LSAMP: variants seen among roughly 807,000 people sequenced by gnomAD.
LSAMP encodes the protein limbic system associated membrane protein.
LSAMP carries 7 observed loss-of-function variants against 38.6 expected under a neutral mutation model. The ratio of observed to expected loss-of-function variants is 0.18; its 90% CI spans 0.10 to 0.34. The LOEUF (loss-of-function observed/expected upper bound fraction) is 0.34, where lower values mean the gene tolerates loss of function less well. LSAMP is among the 10% of genes least tolerant of loss of function. The pLI, the probability that LSAMP is intolerant of heterozygous loss-of-function variation, is 1.00. For synonymous variants in LSAMP, 154 were observed against 166.8 expected (o/e 0.92, Z 0.59); for missense variants, 313 against 420.0 (o/e 0.75, Z 2.23).
chr3:116,422,951 G>A (rs1229804219), intron 1 of LSAMP, among the ~76,000 whole-genome samples: 1 of 151,948 alleles, frequency 6.6e-6, no homozygotes, highest in Non-Finnish European at 1.5e-5. Context: ...TTTATGTATT[G>A]ACATACTTGT....
chr3:116,162,881 GC>G (rs1709932783), intron 1 of LSAMP, among the ~76,000 whole-genome samples: 1 of 151,646 alleles, frequency 6.6e-6, no homozygotes, highest in East Asian at 1.9e-4. Flanking sequence ...GAAATTGTAG[GC>G]TTTGTTCTCC....
chr3:116,075,038 A>G (rs1707706133), intron 2 of LSAMP, among the ~76,000 whole-genome samples: 1 of 151,404 alleles, frequency 6.6e-6, no homozygotes, highest in African/African-American at 2.4e-5. Flanking sequence ...GGGTTTCTCC[A>G]TGTTGGTCAA....
At chr3:116,365,659 T>G (rs541558264) in intron 1 of LSAMP, among the ~76,000 whole-genome samples, 34 of 48,132 alleles carry the variant, frequency 7.1e-4, no homozygotes, top group South Asian at 9.6e-4. Flanking sequence ...GTGGCACATA[T>G]ACACCATGGA....
At chr3:116,227,855 CAT>C (rs1172062162) in intron 1 of LSAMP, among the ~76,000 whole-genome samples, 1 of 152,072 alleles carries the variant, frequency 6.6e-6, no homozygotes, top group African/African-American at 2.4e-5. Flanking sequence ...TGATTTTAAA[CAT>C]AGAAATTCAG....
chr3:116,416,217 C>T (rs2049047962), intron 1 of LSAMP, among the ~76,000 whole-genome samples: 2 of 152,134 alleles, frequency 1.3e-5, no homozygotes, highest in Non-Finnish European at 2.9e-5. Context: ...GCCAGCTAAG[C>T]CATACTTAAT....
Position 116,234,711 on chromosome 3 carries a change from TATTTA to T in LSAMP, c.156-148160_156-148156del, listed in dbSNP as rs774164043. ...ATGCATCTTTTCTTCTCTATTTGAA[TATTTA>T]ATTCTCTGCTTTTGAATTGAGGCCC... On this transcript the variant is annotated intron_variant, in intron 1 of 6. Coordinates refer to ENST00000490035, the MANE Select transcript of LSAMP (RefSeq NM_002338.5). 3.9e-5 allele frequency among the ~76,000 whole-genome samples: 6 copies of T among 152,192 alleles called. 1 individual carries two copies. The highest frequency in any genetic ancestry group is 7.4e-5 in the Non-Finnish European group (5 of 68,022).
At chr3:116,090,410 G>A (rs990793283) in intron 1 of LSAMP, among the ~76,000 whole-genome samples, 2 of 152,100 alleles carry the variant, frequency 1.3e-5, no homozygotes, top group African/African-American at 4.8e-5. Context: ...TCACCAATAA[G>A]CATCATGGGC....
At chr3:116,256,852 C>T (rs1210501526) in intron 1 of LSAMP, among the ~76,000 whole-genome samples, 3 of 152,310 alleles carry the variant, frequency 2.0e-5, no homozygotes, top group African/African-American at 7.2e-5. Flanking sequence ...CACTGAGTCA[C>T]GTGTCATGAG....
chr3:116,218,503 A>G (rs2046246529), intron 1 of LSAMP, among the ~76,000 whole-genome samples: 1 of 152,178 alleles, frequency 6.6e-6, no homozygotes, highest in South Asian at 2.1e-4. Flanking sequence ...AACAGTTTTA[A>G]TATAGATTTG....
chr3:116,116,019 TTTTTTTTTTC>T (rs1708735592), intron 1 of LSAMP, among the ~76,000 whole-genome samples: 1 of 128,376 alleles, frequency 7.8e-6, no homozygotes, highest in Non-Finnish European at 1.5e-5. Flanking sequence ...TTTCCTCTCA[TTTTTTTTTTC>T]TTTTTTTTTC....
intron 3 of LSAMP, among the ~76,000 whole-genome samples, chr3:115,972,008 A>G (rs980213289): frequency 3.3e-5 from 5 of 152,088 alleles, no homozygotes; most frequent in Admixed American, 2.0e-4. Flanking sequence ...AAGATGTAGA[A>G]AATAATTTTC....
chr3:116,020,601 G>C (rs1259243652), intron 2 of LSAMP, among the ~76,000 whole-genome samples: 1 of 152,084 alleles, frequency 6.6e-6, no homozygotes, highest in African/African-American at 2.4e-5. Flanking sequence ...ATTAGTTTTT[G>C]GTGACGTGAG....
chr3:116,315,334 T>C (rs1559824999), intron 1 of LSAMP, among the ~76,000 whole-genome samples: 1 of 152,200 alleles, frequency 6.6e-6, no homozygotes, highest in Admixed American at 6.5e-5. Flanking sequence ...CAAATCCCCT[T>C]TGTCCTGTAT....
chr3:115,860,043 A>G (rs147133328), intron 3 of LSAMP, among the ~76,000 whole-genome samples: 165 of 152,358 alleles, frequency 1.1e-3, no homozygotes, highest in African/African-American at 3.8e-3. Flanking sequence ...TGTAAAAACC[A>G]CATTTGGTTT....
chr3:115,986,360 T>C (rs779740767), intron 3 of LSAMP, among the ~76,000 whole-genome samples: 2 of 152,122 alleles, frequency 1.3e-5, no homozygotes, highest in Non-Finnish European at 2.9e-5. Flanking sequence ...AGTTGCTGAC[T>C]AGAAGCAAAT....
At chr3:115,937,199 G>C (rs1320434752) in intron 3 of LSAMP, among the ~76,000 whole-genome samples, 1 of 152,078 alleles carries the variant, frequency 6.6e-6, no homozygotes. Flanking sequence ...TCTTTGAAGA[G>C]AACCTACCAT....
At chr3:116,097,730 G>C (rs938563908) in intron 1 of LSAMP, among the ~76,000 whole-genome samples, 1 of 151,816 alleles carries the variant, frequency 6.6e-6, no homozygotes, top group Non-Finnish European at 1.5e-5. Context: ...AAGAGCAAAA[G>C]AAGTCTTTTT....
intron 3 of LSAMP, among the ~76,000 whole-genome samples, chr3:115,990,406 CA>C (rs2107641488): frequency 6.6e-6 from 1 of 152,144 alleles, no homozygotes; most frequent in South Asian, 2.1e-4. Context: ...GCACACATTG[CA>C]AAATCTTTGG....
chr3:116,403,230 T>C (rs925171321), intron 1 of LSAMP, among the ~76,000 whole-genome samples: 1 of 152,206 alleles, frequency 6.6e-6, no homozygotes. Context: ...CTAATGCTAA[T>C]AGTAACCCTC....
Sources: gnomAD v4.1 joint callset for allele counts (sites outside exome capture counted in the v4.1 genomes callset) on GRCh38, gnomAD v4.1.1 for gene constraint, MANE v1.5 for transcripts, NCBI Gene and HGNC (gene_info 2026-07-23, HGNC 2026-07-21) for gene names.